TYW1B: variants seen among roughly 807,000 people sequenced by gnomAD.
TYW1B encodes S-adenosyl-L-methionine-dependent tRNA 4-demethylwyosine synthase TYW1B.
Under a neutral mutation model 86.9 loss-of-function variants are expected in TYW1B, and 73 were observed. The ratio of observed to expected loss-of-function variants is 0.84; its 90% CI spans 0.70 to 1.02. The LOEUF is 1.02. TYW1B is among the 50% of genes least tolerant of loss of function. The pLI, the probability that TYW1B is intolerant of heterozygous loss-of-function variation, is 0.00. For missense variants in TYW1B, 637 were observed against 827.4 expected, an observed-to-expected ratio of 0.77 and a Z score of 2.82; for synonymous variants, 248 against 292.8, an observed-to-expected ratio of 0.85 and a Z score of 1.56.
intron 13 of TYW1B, among the ~76,000 whole-genome samples, chr7:72,582,605 G>A (rs1445031911): frequency 1.3e-5 from 2 of 152,300 alleles, no homozygotes; most frequent in Middle Eastern, 3.4e-3. Flanking sequence ...TAGGAAACAC[G>A]GGATCCCAGA....
intron 13 of TYW1B, among the ~76,000 whole-genome samples, chr7:72,578,977 A>G (rs1192472143): frequency 6.6e-6 from 1 of 151,828 alleles, no homozygotes; most frequent in African/African-American, 2.4e-5. Context: ...TCACCCTCAA[A>G]CTCTAACATA....
intron 8 of TYW1B, among the ~76,000 whole-genome samples, chr7:72,736,347 T>A (rs1554461013): frequency 6.6e-6 from 1 of 152,230 alleles, no homozygotes; most frequent in African/African-American, 2.4e-5. Flanking sequence ...AGTATAAGCA[T>A]GCCAGGGCAA....
chr7:72,656,696 G>A (rs1359130645), intron 11 of TYW1B, among the ~76,000 whole-genome samples: 2 of 152,180 alleles, frequency 1.3e-5, no homozygotes, highest in Admixed American at 6.6e-5. Context: ...TTTGCAGGGT[G>A]TACAGGAAGC....
rs1328471948 is a variant in TYW1B, at chr7:72,763,282, CTT to C, written c.964+14132_964+14133del. On this transcript the variant is annotated intron_variant, in intron 7 of 13. Transcript: ENST00000620995. ...AAGGTTTTGTTTTTTCTTTTCTTTTCTTTTTTTTTTTTTTTTTGAGATGGAGT... is the reference window on the plus strand; with the variant it reads ...AAGGTTTTGTTTTTTCTTTTCTTTTCTTTTTTTTTTTTTTTGAGATGGAGT... 2.0e-4 allele frequency among the ~76,000 whole-genome samples: 24 copies of C among 118,400 alleles called. No individual in the cohort carries two copies. The East Asian group carries it at 4.7e-3, about 23-fold the overall frequency. The allele number at this position is 118,400 out of a possible 152,430, so 77.7% of individuals were successfully genotyped here. A position where few individuals can be genotyped will look rare whatever the true frequency, so the allele number is the denominator to read the frequency against.
In TYW1B at chr7:72,628,887, CT is replaced by C; in HGVS notation, c.1616del (p.Lys539ArgfsTer35). On this transcript the variant is annotated frameshift_variant and splice_region_variant, in exon 12 of 14. Transcript: ENST00000620995. LOFTEE classifies it high-confidence loss of function. ...GCCACCAGAGTCAGCAGGGGCTTAC[CT>C]TCACTTCGATGAAGTCAGGATTCCC... ...SLGNPDFIEV[K>X]GVTYCRESSA... 1 of 1,583,532 alleles carries C rather than the reference CT, an allele frequency of 6.3e-7. No individual in the cohort carries two copies. The highest frequency in any genetic ancestry group is 8.6e-7 in the Non-Finnish European group (1 of 1,165,912).
At chr7:72,699,028 G>A (rs1814393006) in intron 10 of TYW1B, among the ~76,000 whole-genome samples, 1 of 150,496 alleles carries the variant, frequency 6.6e-6, no homozygotes, top group Non-Finnish European at 1.5e-5. Context: ...TTTACATTCT[G>A]GAGGGAACAG....
chr7:72,785,357 T>C (rs1554472252), intron 6 of TYW1B, among the ~76,000 whole-genome samples: 1 of 147,698 alleles, frequency 6.8e-6, no homozygotes, highest in Admixed American at 6.8e-5. Context: ...TATATTAATA[T>C]ATAATTATAT....
At chr7:72,715,720 C>T (rs1168567225) in intron 9 of TYW1B, among the ~76,000 whole-genome samples, 2 of 151,468 alleles carry the variant, frequency 1.3e-5, no homozygotes, top group Non-Finnish European at 2.9e-5. Flanking sequence ...CAAACCTGCA[C>T]TTGTACCCCT....
chr7:72,666,618 G>A (rs1554445293), intron 11 of TYW1B, among the ~76,000 whole-genome samples: 1 of 152,020 alleles, frequency 6.6e-6, no homozygotes, highest in African/African-American at 2.4e-5. Flanking sequence ...AGTAACACAG[G>A]AATCTCCTAG....
chr7:72,692,205 CAAAAAA>C (rs1168197742), intron 11 of TYW1B, among the ~76,000 whole-genome samples: 1 of 62,808 alleles, frequency 1.6e-5, no homozygotes, highest in African/African-American at 6.3e-5. Flanking sequence ...GACTCCATCT[CAAAAAA>C]AAAAAAAAAA....
At chr7:72,605,212 A>G (rs1243929397) in intron 13 of TYW1B, among the ~76,000 whole-genome samples, 2 of 152,192 alleles carry the variant, frequency 1.3e-5, no homozygotes, top group African/African-American at 4.8e-5. Flanking sequence ...AGGGTGATAC[A>G]GATCATAAGA....
intron 13 of TYW1B, among the ~76,000 whole-genome samples, chr7:72,609,499 C>CA (rs2129568257): frequency 6.6e-6 from 1 of 152,140 alleles, no homozygotes; most frequent in Admixed American, 6.5e-5. Context: ...GTAGAGGTTG[C>CA]AATGAGCCAT....
In TYW1B at chr7:72,574,640, C is replaced by T; in HGVS notation, c.*858G>A. ...TTGAAAACACCTGAACCTTATAGAA[C>T]AGATTGTGTAAAGCAGCGAGGGCCA... is the stretch of plus-strand genomic sequence containing the variant. On this transcript the variant is annotated 3_prime_UTR_variant, in exon 14 of 14. Coordinates refer to ENST00000620995, the MANE Select transcript of TYW1B (RefSeq NM_001145440.3). 3 of 985,372 alleles carry T rather than the reference C, an allele frequency of 3.0e-6. No individual in the cohort carries two copies. Among genetic ancestry groups the T allele is most frequent in the Non-Finnish European group, 3.6e-6 (3 of 829,948 alleles). 61.0% of individuals were successfully genotyped at this position (985,372 alleles called of 1,614,324 possible). A position where few individuals can be genotyped will look rare whatever the true frequency, so the allele number is the denominator to read the frequency against.
chr7:72,632,321 T>TATATATTATA (rs1563038459), intron 11 of TYW1B, among the ~76,000 whole-genome samples: 1 of 74,312 alleles, frequency 1.3e-5, no homozygotes, highest in Non-Finnish European at 2.2e-5. Flanking sequence ...ATTATATATA[T>TATATATTATA]TATATATATA....
At chr7:72,665,378 G>C (rs1324612486) in intron 11 of TYW1B, among the ~76,000 whole-genome samples, 1 of 152,220 alleles carries the variant, frequency 6.6e-6, no homozygotes, top group Non-Finnish European at 1.5e-5. Flanking sequence ...ATGACACTGA[G>C]AAGCCACTGT....
At chr7:72,749,018 T>G (rs1787442766) in intron 7 of TYW1B, among the ~76,000 whole-genome samples, 1 of 152,130 alleles carries the variant, frequency 6.6e-6, no homozygotes, top group African/African-American at 2.4e-5. Flanking sequence ...AATTCTTCAT[T>G]AAATATTTGG....
intron 11 of TYW1B, among the ~76,000 whole-genome samples, chr7:72,651,031 T>C (rs1415028928): frequency 6.6e-6 from 1 of 152,178 alleles, no homozygotes; most frequent in Non-Finnish European, 1.5e-5. Flanking sequence ...GGCAAGACCA[T>C]TTTGGAAAAA....
intron 9 of TYW1B, among the ~76,000 whole-genome samples, chr7:72,718,514 C>G (rs538926946): frequency 1.3e-5 from 2 of 151,896 alleles, no homozygotes; most frequent in East Asian, 3.9e-4. Context: ...GAGATCAAAG[C>G]AACAGAGTAC....
At chr7:72,760,763 T>A (rs1024617471) in intron 7 of TYW1B, among the ~76,000 whole-genome samples, 2 of 152,158 alleles carry the variant, frequency 1.3e-5, no homozygotes, top group African/African-American at 2.4e-5. Flanking sequence ...TGCCTAGGTT[T>A]ACTGCTCAGA....
Sources: gnomAD v4.1 joint callset for allele counts (sites outside exome capture counted in the v4.1 genomes callset) on GRCh38, gnomAD v4.1.1 for gene constraint, MANE v1.5 for transcripts, NCBI Gene and HGNC (gene_info 2026-07-23, HGNC 2026-07-21) for gene names.